The following CDC42SE2 variants were observed in gnomAD, a reference collection of about 807,000 sequenced individuals.
CDC42SE2 encodes CDC42 small effector protein 2.
CDC42SE2 carries 3 observed loss-of-function variants against 11.5 expected under a neutral mutation model. The observed-to-expected ratio is 0.26, with a 90% CI of 0.12 to 0.67. CDC42SE2 has a LOEUF of 0.67. Ranked by LOEUF, CDC42SE2 falls within the 30% of genes least tolerant of loss-of-function variation. CDC42SE2 has a pLI of 0.80. For missense variants in CDC42SE2, 82 were observed against 106.8 expected (o/e 0.77, Z 1.02); for synonymous variants, 33 against 34.8 (o/e 0.95, Z 0.18).
intron 1 of CDC42SE2, among the ~76,000 whole-genome samples, chr5:131,293,102 C>T (rs527257521): frequency 6.6e-6 from 1 of 152,172 alleles, no homozygotes; most frequent in South Asian, 2.1e-4. Context: ...TTCCCCACCC[C>T]TCAAATTCAT....
chr5:131,387,103 T>C (rs952236966), intron 4 of CDC42SE2, among the ~76,000 whole-genome samples: 1 of 152,228 alleles, frequency 6.6e-6, no homozygotes. Flanking sequence ...TGCATCAACA[T>C]AGAGTGAAAA....
intron 1 of CDC42SE2, among the ~76,000 whole-genome samples, chr5:131,305,623 G>C (rs546236223): frequency 6.6e-6 from 1 of 152,092 alleles, no homozygotes; most frequent in East Asian, 1.9e-4. Flanking sequence ...TTGCTATTCA[G>C]TTTGAGTTCC....
intron 4 of CDC42SE2, among the ~76,000 whole-genome samples, chr5:131,390,639 C>T (rs1192363181): frequency 6.6e-6 from 1 of 151,900 alleles, no homozygotes; most frequent in Non-Finnish European, 1.5e-5. Context: ...GACGCCAGTG[C>T]ACTCCAGCCT....
Position 131,334,896 on chromosome 5 carries a change from T to C in CDC42SE2, c.-286+18752T>C, listed in dbSNP as rs1485573135. Among the ~76,000 whole-genome samples, 4 of 152,328 alleles carry C rather than the reference T, an allele frequency of 2.6e-5. No individual in the cohort carries two copies. In the East Asian group the frequency reaches 7.7e-4, roughly 29 times the overall value. On this transcript the variant is annotated intron_variant, in intron 2 of 4. Transcript: ENST00000505065. ...TCTTGCTAGCGGTCTATCAATTTTG[T>C]TGATCTTTTCAAAAACACCAACTCC...
the CDC42SE2 span, among the ~76,000 whole-genome samples, chr5:131,231,212 A>G: frequency 1.3e-5 from 2 of 152,180 alleles, no homozygotes; most frequent in African/African-American, 4.8e-5. Flanking sequence ...AAAATCTCCT[A>G]TAAAACACTA....
rs1203791245 is a variant in CDC42SE2 at position 131,391,488 on chromosome 5, ATGG to A, written c.*400_*402del. 6.5e-6 allele frequency: 1 copy of A among 152,768 alleles called. No homozygotes were observed. The highest frequency in any genetic ancestry group is 2.4e-5 in the African/African-American group (1 of 41,484). 9.5% of individuals were successfully genotyped at this position (152,768 alleles called of 1,614,324 possible). ...GGAATTGGAGACTAGCCTGGCCAAC[ATGG>A]TGAAACCCCATCTCTACTAAAAATA... is the stretch of plus-strand genomic sequence containing the variant. On this transcript the variant is annotated 3_prime_UTR_variant, in exon 5 of 5. Transcript: ENST00000505065.
In CDC42SE2 at chr5:131,393,643, G is replaced by C. The variant is rs1561442129; in HGVS notation, c.*2552G>C. The C allele has an allele frequency of 6.6e-6, 1 of 152,292 alleles. No homozygotes were observed. The highest frequency in any genetic ancestry group is 1.5e-5 in the Non-Finnish European group (1 of 68,024). The allele number at this position is 152,292 out of a possible 1,614,324, so 9.4% of individuals were successfully genotyped here. A position where few individuals can be genotyped will look rare whatever the true frequency, so the allele number is the denominator to read the frequency against. On this transcript the variant is annotated 3_prime_UTR_variant, in exon 5 of 5. Transcript: ENST00000505065. Reference sequence around the variant, plus strand: ...TGCTGTGTGCAAGCTCTTTAGAAGAGAGATTGGATTTTCTTGGCATTATCA... The same window carrying C: ...TGCTGTGTGCAAGCTCTTTAGAAGACAGATTGGATTTTCTTGGCATTATCA...
the CDC42SE2 span, among the ~76,000 whole-genome samples, chr5:131,212,779 G>A: frequency 6.6e-6 from 1 of 152,130 alleles, no homozygotes; most frequent in African/African-American, 2.4e-5. Context: ...AAGATTAGTG[G>A]GGTCATGTTA....
the CDC42SE2 span, among the ~76,000 whole-genome samples, chr5:131,228,527 T>G: frequency 1.3e-5 from 2 of 152,254 alleles, no homozygotes; most frequent in Admixed American, 1.3e-4. Context: ...CTCAAGGCTC[T>G]GTTCCCTGCA....
chr5:131,298,307 A>G lies in CDC42SE2; in HGVS notation c.-454-17669A>G, dbSNP rs1035470713. Among the ~76,000 whole-genome samples the G allele has an allele frequency of 4.6e-5, 7 of 151,454 alleles. No homozygotes were observed. In the East Asian group the frequency reaches 1.2e-3, roughly 25 times the overall value. ...TTTTAAGTAGAGATGGGGTTTCTCC[A>G]TGTTGGTGAGTCTGGTCTTGAACTC... On this transcript the variant is annotated intron_variant, in intron 1 of 4. Transcript: ENST00000505065.
chr5:131,299,060 CAGAA>C (rs1037190753), intron 1 of CDC42SE2, among the ~76,000 whole-genome samples: 4 of 151,922 alleles, frequency 2.6e-5, no homozygotes, highest in Admixed American at 2.6e-4. Flanking sequence ...CTGTAGGCAA[CAGAA>C]AGAAATTGAG....
intron 1 of CDC42SE2, among the ~76,000 whole-genome samples, chr5:131,247,054 C>G (rs969494628): frequency 2.6e-5 from 4 of 152,076 alleles, no homozygotes. Context: ...CACCAATCCT[C>G]TTAAATACTT....
intron 2 of CDC42SE2, among the ~76,000 whole-genome samples, chr5:131,347,238 T>A (rs1437248997): frequency 6.6e-6 from 1 of 151,836 alleles, no homozygotes; most frequent in African/African-American, 2.4e-5. Context: ...TCAACAAAAT[T>A]GATAGACCGC....
the CDC42SE2 span, among the ~76,000 whole-genome samples, chr5:131,232,426 T>A: frequency 2.6e-5 from 4 of 152,086 alleles, no homozygotes; most frequent in Admixed American, 6.5e-5. Context: ...ATACCTATTC[T>A]TTTAGTGGTT....
intron 1 of CDC42SE2, among the ~76,000 whole-genome samples, chr5:131,289,672 CAAA>C (rs777148248): frequency 3.8e-5 from 4 of 105,598 alleles, no homozygotes; most frequent in African/African-American, 3.5e-5. Context: ...GACTCTGTCT[CAAA>C]AAAAAAAAAA....
intron 3 of CDC42SE2, among the ~76,000 whole-genome samples, chr5:131,385,262 A>C (rs562437493): frequency 6.6e-6 from 1 of 152,206 alleles, no homozygotes; most frequent in Admixed American, 6.5e-5. Flanking sequence ...CTCGTTTTTT[A>C]AAAAGAATAA....
chr5:131,332,847 C>A (rs1470153384), intron 2 of CDC42SE2, among the ~76,000 whole-genome samples: 4 of 152,090 alleles, frequency 2.6e-5, no homozygotes, highest in African/African-American at 4.8e-5. Flanking sequence ...TGTTTGACTT[C>A]ATTGTAGATT....
the CDC42SE2 span, among the ~76,000 whole-genome samples, chr5:131,232,098 C>A: frequency 6.6e-6 from 1 of 151,538 alleles, no homozygotes; most frequent in Non-Finnish European, 1.5e-5. Context: ...CCTAGAATTA[C>A]TGTACATTTG....
At chr5:131,280,541 T>C (rs561929851) in intron 1 of CDC42SE2, among the ~76,000 whole-genome samples, 1 of 152,306 alleles carries the variant, frequency 6.6e-6, no homozygotes, top group Admixed American at 6.5e-5. Flanking sequence ...CAATGGTGTT[T>C]ATAGAGAGTA....
Sources: gnomAD v4.1 joint callset for allele counts (sites outside exome capture counted in the v4.1 genomes callset) on GRCh38, gnomAD v4.1.1 for gene constraint, MANE v1.5 for transcripts, NCBI Gene and HGNC (gene_info 2026-07-23, HGNC 2026-07-21) for gene names.